The following BBS9 variants were observed in gnomAD, a reference collection of about 807,000 sequenced individuals.
The protein encoded by BBS9 is Bardet-Biedl syndrome 9.
BBS9 carries 89 observed loss-of-function variants against 117.7 expected under a neutral mutation model. That is an observed-to-expected ratio of 0.76 (90% confidence interval 0.64 to 0.90). The LOEUF is 0.90. Ranked by LOEUF, BBS9 falls within the 40% of genes least tolerant of loss-of-function variation. The probability of loss-of-function intolerance (pLI) is 0.00; values close to 1 mark genes in which losing one functional copy is unlikely to be tolerated. For missense variants in BBS9, 982 were observed against 1,042.2 expected, an observed-to-expected ratio of 0.94 and a Z score of 0.80; for synonymous variants, 379 against 370.9, an observed-to-expected ratio of 1.02 and a Z score of -0.25.
At chr7:33,371,097 A>AG (rs1351789780) in intron 17 of BBS9, among the ~76,000 whole-genome samples, 1 of 152,234 alleles carries the variant, frequency 6.6e-6, no homozygotes, top group African/African-American at 2.4e-5. Flanking sequence ...TCAAAATATT[A>AG]AACCTTTTGT....
intron 17 of BBS9, among the ~76,000 whole-genome samples, chr7:33,371,747 A>G (rs1378386171): frequency 6.6e-6 from 1 of 152,078 alleles, no homozygotes; most frequent in Non-Finnish European, 1.5e-5. Flanking sequence ...ATAGTGAGAA[A>G]ATAAGAAAGC....
Position 33,213,788 on chromosome 7 carries a change from C to A in BBS9, c.442+36197C>A, listed in dbSNP as rs1458362920. ...TAGAAATGTCATTTGGGAGCTAGGT[C>A]CTGGAATGGGGGCCTCATGACACTG... is the stretch of plus-strand genomic sequence containing the variant. On this transcript the variant is annotated intron_variant, in intron 5 of 22. Coordinates refer to ENST00000242067, the MANE Select transcript of BBS9 (RefSeq NM_198428.3). 2.0e-5 allele frequency among the ~76,000 whole-genome samples: 3 copies of A among 152,108 alleles called. No homozygotes were observed. The East Asian group carries it at 5.8e-4, about 29-fold the overall frequency.
chr7:33,427,383 A>G (rs1833805512), intron 19 of BBS9, among the ~76,000 whole-genome samples: 1 of 152,180 alleles, frequency 6.6e-6, no homozygotes, highest in Non-Finnish European at 1.5e-5. Flanking sequence ...ACTGTGAAGA[A>G]TGGAGAAAAC....
intron 21 of BBS9, among the ~76,000 whole-genome samples, chr7:33,616,493 G>GTATATATATATATATA (rs66529823): frequency 1.5e-5 from 2 of 136,422 alleles, no homozygotes; most frequent in African/African-American, 5.3e-5. Flanking sequence ...GTGTGTGTGT[G>GTATATATATATATATA]TATATATATA....
chr7:33,479,768 A>G (rs1275223669), intron 19 of BBS9, among the ~76,000 whole-genome samples: 1 of 152,160 alleles, frequency 6.6e-6, no homozygotes, highest in Non-Finnish European at 1.5e-5. Context: ...AATACTAGCC[A>G]TTCTGACTGG....
Position 33,472,396 on chromosome 7 carries a change from A to C in BBS9, c.2116-33067A>C, listed in dbSNP as rs146848996. Among the ~76,000 whole-genome samples the C allele has an allele frequency of 6.9e-3, 1,045 of 152,296 alleles. 9 individuals are homozygous for C. Among genetic ancestry groups the C allele is most frequent in the African/African-American group, 0.024 (988 of 41,564 alleles). Reference sequence around the variant, plus strand: ...CATAAGGAGGATCATTTTCCAGAAAAATATGTAGCACTGATTTCTTATGCA... The same window carrying C: ...CATAAGGAGGATCATTTTCCAGAAACATATGTAGCACTGATTTCTTATGCA... On this transcript the variant is annotated intron_variant, in intron 19 of 22. Coordinates refer to ENST00000242067, the MANE Select transcript of BBS9 (RefSeq NM_198428.3).
At chr7:33,349,947 A>G (rs927220634) in intron 13 of BBS9, among the ~76,000 whole-genome samples, 1 of 152,186 alleles carries the variant, frequency 6.6e-6, no homozygotes, top group Non-Finnish European at 1.5e-5. Flanking sequence ...AAAGGGGGTA[A>G]TGATATTTGT....
At chr7:33,401,838 C>T (rs1828967725) in intron 19 of BBS9, among the ~76,000 whole-genome samples, 1 of 152,030 alleles carries the variant, frequency 6.6e-6, no homozygotes, top group Non-Finnish European at 1.5e-5. Flanking sequence ...GATTTTTTTC[C>T]CCCACAAGAG....
rs537181167 is a variant in BBS9 at position 33,572,795 on chromosome 7, C to CT, written c.2522-32062dup. Among the ~76,000 whole-genome samples, 394 of 151,694 alleles carry CT rather than the reference C, an allele frequency of 2.6e-3. 2 individuals carry two copies. The highest frequency in any genetic ancestry group is 4.1e-3 in the African/African-American group (169 of 41,408). On this transcript the variant is annotated intron_variant, in intron 21 of 22. Transcript: ENST00000242067. Reference sequence around the variant, plus strand: ...ACCCATTTTTAATTGGATTTTCTTTCTTTTTTTTGCTATTGAGCTGTTTGA... The same window carrying CT: ...ACCCATTTTTAATTGGATTTTCTTTCTTTTTTTTTGCTATTGAGCTGTTTGA...
At chr7:33,190,699 C>T (rs1199726696) in intron 5 of BBS9, among the ~76,000 whole-genome samples, 1 of 152,166 alleles carries the variant, frequency 6.6e-6, no homozygotes, top group Non-Finnish European at 1.5e-5. Context: ...GAGGTTCTTC[C>T]TTTCTCGTAG....
intron 5 of BBS9, among the ~76,000 whole-genome samples, chr7:33,216,818 G>A (rs1204886520): frequency 2.0e-5 from 3 of 152,158 alleles, no homozygotes; most frequent in South Asian, 2.1e-4. Flanking sequence ...TTAACCAGCC[G>A]GGCGTGGTGG....
rs571181932 is a variant in BBS9, at chr7:33,422,266, G to A, written c.2115+34122G>A. 4.3e-4 allele frequency among the ~76,000 whole-genome samples: 66 copies of A among 152,250 alleles called. 1 individual carries two copies. The highest frequency in any genetic ancestry group is 1.5e-3 in the African/African-American group (64 of 41,570). On this transcript the variant is annotated intron_variant, in intron 19 of 22. Coordinates refer to ENST00000242067, the MANE Select transcript of BBS9 (RefSeq NM_198428.3). ...GTGACATATTACTTCACAGTAACAT[G>A]TAAGTAATTCATTTTACTTTGTGAA...
intron 21 of BBS9, among the ~76,000 whole-genome samples, chr7:33,619,353 A>G (rs2129221369): frequency 6.6e-6 from 1 of 152,334 alleles, no homozygotes; most frequent in African/African-American, 2.4e-5. Context: ...ACCTAAATAC[A>G]TAAAGAAAAT....
intron 5 of BBS9, among the ~76,000 whole-genome samples, chr7:33,247,948 G>A (rs927952955): frequency 6.6e-6 from 1 of 151,158 alleles, no homozygotes; most frequent in Non-Finnish European, 1.5e-5. Context: ...CTTATATTAT[G>A]TTATTAACCT....
chr7:33,146,208 G>A, intron 1 of BBS9, 34 bp from the exon 2 acceptor site: 1 of 1,402,802 alleles, frequency 7.1e-7, no homozygotes, highest in Non-Finnish European at 1.0e-6. Context: ...AGTTCATAGT[G>A]TGAAGTAGAT....
At chr7:33,562,569 C>G (rs1334144595) in intron 21 of BBS9, among the ~76,000 whole-genome samples, 2 of 152,146 alleles carry the variant, frequency 1.3e-5, no homozygotes, top group African/African-American at 4.8e-5. Context: ...GAACTTGAAA[C>G]AGCTAACCTG....
downstream of BBS9, among the ~76,000 whole-genome samples, chr7:33,610,864 A>G (rs560008628): frequency 6.6e-6 from 1 of 152,216 alleles, no homozygotes; most frequent in South Asian, 2.1e-4. Context: ...CTAGCAAAAC[A>G]GCAATTCTCT....
intron 16 of BBS9, among the ~76,000 whole-genome samples, chr7:33,367,392 A>G (rs934279760): frequency 1.3e-5 from 2 of 152,072 alleles, no homozygotes; most frequent in African/African-American, 4.8e-5. Context: ...TAATATTTTT[A>G]TCTCTGGCCA....
chr7:33,433,329 A>G (rs1488642998), intron 19 of BBS9, among the ~76,000 whole-genome samples: 3 of 152,176 alleles, frequency 2.0e-5, no homozygotes, highest in East Asian at 1.9e-4. Flanking sequence ...CTTTCCTCCA[A>G]TACATCATTG....
Sources: allele counts gnomAD v4.1 joint callset (sites outside exome capture counted in the v4.1 genomes callset), GRCh38; gene constraint gnomAD v4.1.1; transcripts MANE v1.5; gene names NCBI Gene and HGNC (gene_info 2026-07-23, HGNC 2026-07-21).